Variants in CT55 observed in about 807,000 individuals in gnomAD.
CT55 encodes the protein cancer/testis antigen 55, also known as BRCA2-interacting protein.
CT55 carries 1 observed loss-of-function variant against 12.6 expected under a neutral mutation model. The ratio of observed to expected loss-of-function variants is 0.08; its 90% confidence interval spans 0.03 to 0.38. CT55 has a LOEUF of 0.38. CT55 is among the 10% of genes least tolerant of loss of function. The pLI is 0.99. For missense variants in CT55, 109 were observed against 135.4 expected, an observed-to-expected ratio of 0.80 and a Z score of 0.97; for synonymous variants, 43 against 49.7, an observed-to-expected ratio of 0.87 and a Z score of 0.57.
At chrX:135,162,400 G>T (rs782541002) in intron 2 of CT55, among the ~76,000 whole-genome samples, 3 of 112,224 alleles carry the variant, frequency 2.7e-5, no homozygotes, top group Non-Finnish European at 5.6e-5. Context: ...AGGAGGAGGG[G>T]AGCAAGATGG....
At chrX:135,166,327 T>C (rs2083585102) in intron 2 of CT55, among the ~76,000 whole-genome samples, 1 of 111,516 alleles carries the variant, frequency 9.0e-6, no homozygotes, top group African/African-American at 3.3e-5. Flanking sequence ...AAATGTGCTA[T>C]ATCACGTGAA....
chrX:135,159,863 T>A (rs1273574389), intron 3 of CT55, among the ~76,000 whole-genome samples: 1 of 110,692 alleles, frequency 9.0e-6, no homozygotes, highest in African/African-American at 3.3e-5. Context: ...GACAAAAAAA[T>A]ATCGTTGGGT....
chrX:135,159,856 A>G (rs1194258026), intron 3 of CT55, among the ~76,000 whole-genome samples: 1 of 111,287 alleles, frequency 9.0e-6, no homozygotes, highest in East Asian at 2.8e-4. Flanking sequence ...CAAAACAGAC[A>G]AAAAAATATC....
At chrX:135,164,936 A>T (rs1158941711) in intron 2 of CT55, among the ~76,000 whole-genome samples, 3 of 112,138 alleles carry the variant, frequency 2.7e-5, no homozygotes, top group African/African-American at 9.7e-5. Flanking sequence ...TATGAAGCAG[A>T]CATTAAGGTA....
At chrX:135,162,994 C>T (rs782197371) in intron 2 of CT55, among the ~76,000 whole-genome samples, 1 of 111,790 alleles carries the variant, frequency 8.9e-6, no homozygotes, top group African/African-American at 3.2e-5. Flanking sequence ...TGTGAATAGG[C>T]ATCCCCCTAG....
chrX:135,166,279 C>T (rs782134874), intron 2 of CT55, among the ~76,000 whole-genome samples: 1 of 110,947 alleles, frequency 9.0e-6, no homozygotes, highest in African/African-American at 3.3e-5. Context: ...GGACTTCATC[C>T]CTGGGATGCA....
At chrX:135,160,837 C>A (rs2083559488) in intron 2 of CT55, among the ~76,000 whole-genome samples, 1 of 111,586 alleles carries the variant, frequency 9.0e-6, no homozygotes, top group Admixed American at 9.6e-5. Flanking sequence ...CCTTCGCCTG[C>A]AGAAATTCAC....
intron 2 of CT55, among the ~76,000 whole-genome samples, chrX:135,165,678 C>T (rs1402253174): frequency 9.1e-6 from 1 of 110,435 alleles, no homozygotes; most frequent in Non-Finnish European, 1.9e-5. Context: ...AAAACTTTAG[C>T]TAGACTAAGG....
At chrX:135,167,792 T>A (rs2083592636) in intron 2 of CT55, among the ~76,000 whole-genome samples, 1 of 110,201 alleles carries the variant, frequency 9.1e-6, no homozygotes, top group African/African-American at 3.3e-5. Flanking sequence ...AAGACCTGAA[T>A]AGACATTTCT....
intron 2 of CT55, among the ~76,000 whole-genome samples, chrX:135,167,329 G>A (rs1306560040): frequency 2.7e-5 from 3 of 112,150 alleles, no homozygotes; most frequent in Non-Finnish European, 3.8e-5. Flanking sequence ...CAAAAGGCCC[G>A]AGAACACACA....
intron 2 of CT55, 39 bp from the exon 3 acceptor site, chrX:135,160,594 C>A (rs782153604): frequency 3.5e-6 from 4 of 1,149,751 alleles, no homozygotes; most frequent in Admixed American, 3.0e-5. Flanking sequence ...AAAAACAATA[C>A]AAATTTAAAC....
chrX:135,158,217 A>G lies in CT55; in HGVS notation c.519T>C (p.Arg173=), dbSNP rs2083545628. ...NIKATSVKPI[R]CIHTEEVCIT... ...AAATTACCTCTTCCGTATGAATACAACGGATGGGCTTCACAGAAGTTGCCT... is the reference window on the plus strand; with the variant it reads ...AAATTACCTCTTCCGTATGAATACAGCGGATGGGCTTCACAGAAGTTGCCT... Residue 173 remains arginine (R), a synonymous_variant, in exon 4 of 6, where the codon CGT becomes CGC. Coordinates refer to ENST00000276241, the MANE Select transcript of CT55 (RefSeq NM_001031705.3). 1 of 1,198,644 alleles carries G rather than the reference A, an allele frequency of 8.3e-7. No homozygotes were observed. The highest frequency in any genetic ancestry group is 1.1e-6 in the Non-Finnish European group (1 of 883,488).
At chrX:135,171,645 G>A (rs782100108), upstream of CT55, among the ~76,000 whole-genome samples, 8 of 111,413 alleles carry the variant, frequency 7.2e-5, no homozygotes, top group African/African-American at 2.6e-4. Flanking sequence ...CTGAAACACC[G>A]GCTGTGCAAC....
chrX:135,159,925 A>AACAACAC (rs782392456), intron 3 of CT55, among the ~76,000 whole-genome samples: 1 of 105,409 alleles, frequency 9.5e-6, no homozygotes, highest in East Asian at 3.0e-4. Flanking sequence ...ATTCAACAAC[A>AACAACAC]ACACACACAC....
At chrX:135,160,825 G>A (rs1303313734) in intron 2 of CT55, among the ~76,000 whole-genome samples, 4 of 111,552 alleles carry the variant, frequency 3.6e-5, no homozygotes, top group Non-Finnish European at 7.5e-5. Context: ...AAATAATACC[G>A]TCCTTCGCCT....
chrX:135,169,533 A>T, intron 2 of CT55, 61 bp downstream of exon 2: 1 of 932,917 alleles, frequency 1.1e-6, no homozygotes, highest in East Asian at 3.2e-5. Flanking sequence ...CAAGAAAAGA[A>T]AGATGGAGAA....
intron 2 of CT55, among the ~76,000 whole-genome samples, chrX:135,165,638 T>G (rs1449234157): frequency 1.8e-5 from 2 of 111,129 alleles, no homozygotes; most frequent in African/African-American, 6.5e-5. Flanking sequence ...AACAATGACT[T>G]GGTTTCTTGA....
At chrX:135,160,626 G>T in intron 2 of CT55, 71 bp from the exon 3 acceptor site, 1 of 1,074,090 alleles carries the variant, frequency 9.3e-7, no homozygotes, top group Non-Finnish European at 1.2e-6. Context: ...ATGATTAAAA[G>T]ACTTGTATTC....
intron 1 of CT55, among the ~76,000 whole-genome samples, chrX:135,170,310 G>A (rs1248335165): frequency 2.7e-5 from 3 of 112,576 alleles, no homozygotes; most frequent in Non-Finnish European, 3.8e-5. Flanking sequence ...CCCAGCTTAC[G>A]AATATTAACT....
Sources: allele counts gnomAD v4.1 joint callset (sites outside exome capture counted in the v4.1 genomes callset), GRCh38; gene constraint gnomAD v4.1.1; transcripts MANE v1.5; gene names NCBI Gene and HGNC (gene_info 2026-07-23, HGNC 2026-07-21).